Variants in PIP5K1B observed in about 807,000 individuals in gnomAD.
The protein encoded by PIP5K1B is phosphatidylinositol-4-phosphate 5-kinase type 1 beta, also known as phosphatidylinositol 4-phosphate 5-kinase type-1 beta.
A neutral mutation model predicts 67.0 loss-of-function variants in PIP5K1B; 42 were observed. The observed-to-expected ratio is 0.63, with a 90% CI of 0.49 to 0.81. The LOEUF (loss-of-function observed/expected upper bound fraction) is 0.81, where lower values mean the gene tolerates loss of function less well. Among genes scored for constraint, PIP5K1B ranks in the 30% least tolerant of loss-of-function variants. PIP5K1B has a pLI of 0.00. For synonymous variants in PIP5K1B, 214 were observed against 231.4 expected (o/e 0.92, Z 0.68); for missense variants, 459 against 646.3 (o/e 0.71, Z 3.14).
At chr9:68,714,080 G>A (rs1475005912) in intron 1 of PIP5K1B, among the ~76,000 whole-genome samples, 2 of 152,128 alleles carry the variant, frequency 1.3e-5, no homozygotes, top group African/African-American at 4.8e-5. Context: ...TTTGAAATAA[G>A]AGTTTTAAAA....
intron 14 of PIP5K1B, among the ~76,000 whole-genome samples, chr9:68,951,661 C>T (rs1280220429): frequency 1.3e-5 from 2 of 152,170 alleles, no homozygotes; most frequent in African/African-American, 2.4e-5. Flanking sequence ...TGAGAGGGAA[C>T]TTTGGCCATC....
At chr9:68,899,139 C>A (rs1166810528) in intron 8 of PIP5K1B, among the ~76,000 whole-genome samples, 1 of 152,188 alleles carries the variant, frequency 6.6e-6, no homozygotes, top group African/African-American at 2.4e-5. Flanking sequence ...TGGCCACATT[C>A]TCTAAAGGTT....
chr9:68,776,669 T>TA (rs1452011533), intron 2 of PIP5K1B, among the ~76,000 whole-genome samples: 6 of 152,042 alleles, frequency 3.9e-5, no homozygotes, highest in Non-Finnish European at 8.8e-5. Context: ...AGTAATATTT[T>TA]AAAAATCTAA....
rs377615270 is a variant in PIP5K1B at position 68,802,431 on chromosome 9, A to AATGGATGGATGGATGG, written c.-85-16015_-85-16000dup. On this transcript the variant is annotated intron_variant, in intron 2 of 15. Coordinates refer to ENST00000265382, the MANE Select transcript of PIP5K1B (RefSeq NM_003558.4). ...GTGCCAGGCACTGTGATGGATAGAA[A>AATGGATGGATGGATGG]ATGGATGGATGGATGGATGGATGGA... Among the ~76,000 whole-genome samples, 365 of 152,106 alleles carry AATGGATGGATGGATGG rather than the reference A, an allele frequency of 2.4e-3. 1 individual carries two copies. Among genetic ancestry groups the AATGGATGGATGGATGG allele is most frequent in the African/African-American group, 8.4e-3 (350 of 41,464 alleles).
chr9:68,873,478 G>A (rs548071346), intron 5 of PIP5K1B, among the ~76,000 whole-genome samples: 39 of 151,914 alleles, frequency 2.6e-4, no homozygotes, highest in African/African-American at 9.4e-4. Context: ...CATAGAGACA[G>A]GGTTTCACCA....
At chr9:68,857,522 A>C (rs1363829282) in intron 4 of PIP5K1B, among the ~76,000 whole-genome samples, 1 of 152,198 alleles carries the variant, frequency 6.6e-6, no homozygotes, top group Non-Finnish European at 1.5e-5. Flanking sequence ...TCTTGAGTAT[A>C]GGTTCACGGA....
intron 4 of PIP5K1B, among the ~76,000 whole-genome samples, chr9:68,831,912 G>A (rs1376886387): frequency 6.6e-6 from 1 of 152,076 alleles, no homozygotes; most frequent in Non-Finnish European, 1.5e-5. Context: ...CCTGACCTCA[G>A]GTGATCCACC....
intron 14 of PIP5K1B, among the ~76,000 whole-genome samples, chr9:68,978,254 A>G (rs888889569): frequency 1.3e-5 from 2 of 152,170 alleles, no homozygotes; most frequent in Non-Finnish European, 2.9e-5. Flanking sequence ...CTCATCTGGC[A>G]TACATTTTGG....
At chr9:68,755,000 T>C (rs1240881830) in intron 2 of PIP5K1B, among the ~76,000 whole-genome samples, 2 of 152,240 alleles carry the variant, frequency 1.3e-5, no homozygotes, top group African/African-American at 2.4e-5. Context: ...CAGTGACCAA[T>C]TGATCAATAA....
At chr9:68,830,261 G>A (rs1416816035) in intron 4 of PIP5K1B, among the ~76,000 whole-genome samples, 4 of 152,006 alleles carry the variant, frequency 2.6e-5, no homozygotes, top group Non-Finnish European at 2.9e-5. Flanking sequence ...ATCATATCAC[G>A]TTACCATGCA....
At chr9:68,896,623 T>C (rs544135370) in intron 8 of PIP5K1B, among the ~76,000 whole-genome samples, 8 of 152,324 alleles carry the variant, frequency 5.3e-5, no homozygotes, top group African/African-American at 1.7e-4. Context: ...CTTCAAAATA[T>C]GTACATCTGC....
intron 4 of PIP5K1B, among the ~76,000 whole-genome samples, chr9:68,840,710 T>C (rs955154044): frequency 2.6e-5 from 4 of 152,248 alleles, no homozygotes; most frequent in African/African-American, 4.8e-5. Context: ...CTTCTTTTTT[T>C]AACTCTTAAC....
chr9:68,865,795 G>A (rs551047384), intron 5 of PIP5K1B, among the ~76,000 whole-genome samples: 2 of 152,158 alleles, frequency 1.3e-5, no homozygotes, highest in Admixed American at 6.5e-5. Flanking sequence ...TCTGTGGGTG[G>A]GAACCAGGAA....
At chr9:68,808,189 T>C (rs1832972421) in intron 2 of PIP5K1B, among the ~76,000 whole-genome samples, 1 of 152,196 alleles carries the variant, frequency 6.6e-6, no homozygotes, top group Admixed American at 6.5e-5. Context: ...CAGAGCAAGA[T>C]TCTGTCTCAA....
chr9:68,789,967 A>T (rs1200681169), intron 2 of PIP5K1B, among the ~76,000 whole-genome samples: 1 of 152,220 alleles, frequency 6.6e-6, no homozygotes, highest in African/African-American at 2.4e-5. Context: ...CTTTAAATAT[A>T]TACATATATA....
chr9:68,929,909 A>G (rs1485563589), intron 12 of PIP5K1B, among the ~76,000 whole-genome samples: 4 of 152,198 alleles, frequency 2.6e-5, no homozygotes, highest in Admixed American at 2.6e-4. Flanking sequence ...ACCTCAAGTG[A>G]TCCACCCACC....
chr9:68,895,242 A>AATTCCC (rs1474694981), intron 8 of PIP5K1B, among the ~76,000 whole-genome samples: 1 of 149,616 alleles, frequency 6.7e-6, no homozygotes, highest in African/African-American at 2.5e-5. Context: ...AGTGGGGAGG[A>AATTCCC]ATTCCCCCAG....
intron 2 of PIP5K1B, among the ~76,000 whole-genome samples, chr9:68,795,796 C>G (rs969461616): frequency 1.3e-4 from 20 of 152,112 alleles, no homozygotes; most frequent in Non-Finnish European, 2.8e-4. Context: ...TTCATATTTT[C>G]ATAGAGAATT....
At chr9:68,735,473 C>G (rs1476490277) in intron 1 of PIP5K1B, among the ~76,000 whole-genome samples, 1 of 152,062 alleles carries the variant, frequency 6.6e-6, no homozygotes, top group Non-Finnish European at 1.5e-5. Flanking sequence ...ACTGAAACCT[C>G]TGACTCCCGG....
Sources: allele counts gnomAD v4.1 joint callset (sites outside exome capture counted in the v4.1 genomes callset), GRCh38; gene constraint gnomAD v4.1.1; transcripts MANE v1.5; gene names NCBI Gene and HGNC (gene_info 2026-07-23, HGNC 2026-07-21).